KCNT2: variants seen among roughly 807,000 people sequenced by gnomAD.
The protein encoded by KCNT2 is potassium sodium-activated channel subfamily T member 2, also known as potassium channel subfamily T member 2.
A neutral mutation model predicts 153.8 loss-of-function variants in KCNT2; 67 were observed. The ratio of observed to expected loss-of-function variants is 0.44; its 90% CI spans 0.36 to 0.53. The LOEUF (loss-of-function observed/expected upper bound fraction) is 0.53, where lower values mean the gene tolerates loss of function less well. Among genes scored for constraint, KCNT2 ranks in the 20% least tolerant of loss-of-function variants. The pLI, the probability that KCNT2 is intolerant of heterozygous loss-of-function variation, is 0.00. For synonymous variants in KCNT2, 500 were observed against 458.8 expected (o/e 1.09, Z -1.15); for missense variants, 975 against 1,354.8 (o/e 0.72, Z 4.40).
chr1:196,337,372 C>T (rs1665138783), intron 16 of KCNT2, among the ~76,000 whole-genome samples: 1 of 152,064 alleles, frequency 6.6e-6, no homozygotes, highest in Non-Finnish European at 1.5e-5. Flanking sequence ...ATCCTTGCTC[C>T]AAACCATCTA....
intron 24 of KCNT2, among the ~76,000 whole-genome samples, chr1:196,281,868 G>A (rs1441118332): frequency 6.6e-6 from 1 of 151,316 alleles, no homozygotes; most frequent in East Asian, 1.9e-4. Context: ...GCCATTCTCA[G>A]CCTCCCGAGT....
intron 19 of KCNT2, among the ~76,000 whole-genome samples, chr1:196,321,310 G>A (rs750058807): frequency 1.3e-4 from 20 of 151,796 alleles, no homozygotes; most frequent in Non-Finnish European, 1.9e-4. Flanking sequence ...GGGCAACACT[G>A]GGCTGTTGCG....
chr1:196,548,360 C>G (rs921540956), intron 1 of KCNT2, among the ~76,000 whole-genome samples: 1 of 151,992 alleles, frequency 6.6e-6, no homozygotes, highest in African/African-American at 2.4e-5. Context: ...CATGAACAGA[C>G]ACTTCTCAAA....
chr1:196,396,266 C>CT (rs1465146006), intron 13 of KCNT2, among the ~76,000 whole-genome samples: 8 of 151,734 alleles, frequency 5.3e-5, no homozygotes, highest in African/African-American at 1.4e-4. Flanking sequence ...CCTTTTAAGT[C>CT]TTAGCTTCTG....
At position 196,422,962 on chromosome 1, in the gene KCNT2, A is replaced by T. The variant is rs972460551; in HGVS notation, c.1185+88T>A. ...TAAAACTTTAAGGTCACCAATACTT[A>T]ATGCTGGCGAATTTTTAAAAACTCA... On this transcript the variant is annotated intron_variant, in intron 12 of 27. Coordinates refer to ENST00000294725, the MANE Select transcript of KCNT2 (RefSeq NM_198503.5). The T allele has an allele frequency of 1.3e-4, 95 of 759,092 alleles. No homozygotes were observed. The African/African-American group carries it at 1.6e-3, about 12-fold the overall frequency. The allele number at this position is 759,092 out of a possible 1,614,324, so 47.0% of individuals were successfully genotyped here.
chr1:196,272,570 G>GTT (rs1245060560), intron 25 of KCNT2, among the ~76,000 whole-genome samples: 1 of 151,806 alleles, frequency 6.6e-6, no homozygotes, highest in African/African-American at 2.4e-5. Flanking sequence ...TGTGTTTCAT[G>GTT]TTAAGGAATT....
chr1:196,578,097 T>C (rs904610096), intron 1 of KCNT2, among the ~76,000 whole-genome samples: 7 of 152,164 alleles, frequency 4.6e-5, no homozygotes, highest in African/African-American at 1.7e-4. Flanking sequence ...CTCATTGATA[T>C]AGTACAGTGC....
intron 26 of KCNT2, among the ~76,000 whole-genome samples, chr1:196,248,121 C>A (rs1655617318): frequency 6.6e-6 from 1 of 151,708 alleles, no homozygotes; most frequent in Admixed American, 6.6e-5. Flanking sequence ...ACACAACATA[C>A]CAAAAATCTA....
chr1:196,380,707 C>A (rs971228379), intron 13 of KCNT2, among the ~76,000 whole-genome samples: 1 of 152,060 alleles, frequency 6.6e-6, no homozygotes, highest in Non-Finnish European at 1.5e-5. Flanking sequence ...TTAAATAGAA[C>A]AACTGATTAA....
chr1:196,582,915 A>T (rs1243020178), intron 1 of KCNT2, among the ~76,000 whole-genome samples: 3 of 152,280 alleles, frequency 2.0e-5, no homozygotes, highest in East Asian at 1.9e-4. Flanking sequence ...AAATATAATT[A>T]TACAGGATTA....
intron 13 of KCNT2, among the ~76,000 whole-genome samples, chr1:196,377,079 AGGATT>A (rs1265751294): frequency 6.6e-6 from 1 of 151,982 alleles, no homozygotes; most frequent in Non-Finnish European, 1.5e-5. Flanking sequence ...AGGACACACT[AGGATT>A]GGAGATGACA....
Position 196,425,950 on chromosome 1 carries a change from A to G in KCNT2, c.1023T>C (p.Asp341=). The G allele has an allele frequency of 6.2e-7, 1 of 1,612,268 alleles. No individual in the cohort carries two copies. The highest frequency in any genetic ancestry group is 8.5e-7 in the Non-Finnish European group (1 of 1,178,832). The change falls in exon 11 of 28, where the codon GAT becomes GAC. Residue 341 remains aspartate, a synonymous_variant. Transcript: ENST00000294725. ...YVVILCPTEM[D]VQVRRVLQIP... is the part of the protein sequence containing the mutation. Reference sequence around the variant, plus strand: ...TCTGCAGTACCCTTCGAACCTGTACATCCATTTCAGTAGGACACAAAATCA... The same window carrying G: ...TCTGCAGTACCCTTCGAACCTGTACGTCCATTTCAGTAGGACACAAAATCA...
chr1:196,318,656 T>A (rs1300350443), intron 20 of KCNT2, among the ~76,000 whole-genome samples: 1 of 151,816 alleles, frequency 6.6e-6, no homozygotes, highest in Non-Finnish European at 1.5e-5. Flanking sequence ...TGGTTAGTAT[T>A]ATCATAACTG....
intron 1 of KCNT2, among the ~76,000 whole-genome samples, chr1:196,598,779 C>T (rs1404981282): frequency 6.6e-6 from 1 of 152,116 alleles, no homozygotes; most frequent in Non-Finnish European, 1.5e-5. Context: ...GGAAAAATAA[C>T]AGAATTTCTC....
intron 8 of KCNT2, among the ~76,000 whole-genome samples, chr1:196,450,221 A>G (rs996815816): frequency 1.3e-5 from 2 of 151,848 alleles, no homozygotes; most frequent in African/African-American, 2.4e-5. Flanking sequence ...TCATCCCTAT[A>G]TAATGCCTCC....
intron 1 of KCNT2, among the ~76,000 whole-genome samples, chr1:196,566,827 T>C (rs985875675): frequency 7.2e-5 from 11 of 152,108 alleles, no homozygotes; most frequent in African/African-American, 1.9e-4. Flanking sequence ...GAGAAAAGTA[T>C]AGAAGGCATA....
At chr1:196,509,618 A>G (rs1329534464) in intron 1 of KCNT2, among the ~76,000 whole-genome samples, 1 of 152,218 alleles carries the variant, frequency 6.6e-6, no homozygotes, top group Admixed American at 6.5e-5. Context: ...GATAGAAATT[A>G]TTTCTGTGAG....
At chr1:196,550,350 G>A (rs1225995513) in intron 1 of KCNT2, among the ~76,000 whole-genome samples, 2 of 151,790 alleles carry the variant, frequency 1.3e-5, no homozygotes, top group Non-Finnish European at 2.9e-5. Context: ...CTTCTTAACT[G>A]TTTTGCTTCA....
intron 25 of KCNT2, among the ~76,000 whole-genome samples, chr1:196,268,991 A>T (rs959571017): frequency 6.6e-6 from 1 of 152,078 alleles, no homozygotes; most frequent in African/African-American, 2.4e-5. Context: ...AATAATAATA[A>T]TAAAGAAATA....
Sources: allele counts gnomAD v4.1 joint callset (sites outside exome capture counted in the v4.1 genomes callset), GRCh38; gene constraint gnomAD v4.1.1; transcripts MANE v1.5; gene names NCBI Gene and HGNC (gene_info 2026-07-23, HGNC 2026-07-21).